YEATS2: variants seen among roughly 807,000 people sequenced by gnomAD.
The protein encoded by YEATS2 is YEATS domain-containing protein 2.
Under a neutral mutation model 163.2 loss-of-function variants are expected in YEATS2, and 77 were observed. The observed-to-expected ratio is 0.47, with a 90% confidence interval of 0.39 to 0.57. The LOEUF is 0.57. Among genes scored for constraint, YEATS2 ranks in the 20% least tolerant of loss-of-function variants. The probability of loss-of-function intolerance (pLI) is 0.00; values close to 1 mark genes in which losing one functional copy is unlikely to be tolerated. For missense variants in YEATS2, 1,549 were observed against 1,729.8 expected, an observed-to-expected ratio of 0.90 and a Z score of 1.85; for synonymous variants, 631 against 645.1, an observed-to-expected ratio of 0.98 and a Z score of 0.33.
At chr3:183,700,096 T>C (rs994933374) in intron 1 of YEATS2, among the ~76,000 whole-genome samples, 3 of 152,228 alleles carry the variant, frequency 2.0e-5, no homozygotes, top group African/African-American at 7.2e-5. Flanking sequence ...TGTGAATTTC[T>C]TTTCCTGTTC....
intron 1 of YEATS2, among the ~76,000 whole-genome samples, chr3:183,713,654 C>T (rs1371817259): frequency 6.6e-6 from 1 of 152,206 alleles, no homozygotes; most frequent in Non-Finnish European, 1.5e-5. Flanking sequence ...CAGCACTGGT[C>T]TGGATGATAT....
intron 1 of YEATS2, among the ~76,000 whole-genome samples, chr3:183,707,426 G>C (rs147192305): frequency 6.6e-6 from 1 of 152,132 alleles, no homozygotes; most frequent in African/African-American, 2.4e-5. Context: ...CGATTTGTTC[G>C]TCCATTCCTC....
rs1041643623 is a variant in YEATS2 at position 183,715,106 on chromosome 3, G to A, written c.-19-38G>A. 4.5e-6 allele frequency: 6 copies of A among 1,339,074 alleles called. No homozygotes were observed. In the African/African-American group the frequency reaches 7.4e-5, roughly 17 times the overall value. The allele number at this position is 1,339,074 out of a possible 1,614,324, so 82.9% of individuals were successfully genotyped here. On this transcript the variant is annotated intron_variant, in intron 1 of 30. Transcript: ENST00000305135. ...GTTACTACAACCCAACTATTTAACTGAATAATTAAAAATTATTAATTTATC... is the reference window on the plus strand; with the variant it reads ...GTTACTACAACCCAACTATTTAACTAAATAATTAAAAATTATTAATTTATC...
At chr3:183,703,499 T>C (rs1039954400) in intron 1 of YEATS2, among the ~76,000 whole-genome samples, 2 of 152,188 alleles carry the variant, frequency 1.3e-5, no homozygotes, top group African/African-American at 2.4e-5. Flanking sequence ...ACCAACCTAA[T>C]AGATAACTTC....
In YEATS2 at chr3:183,811,481, C is replaced by T. The variant is rs1164333654; in HGVS notation, c.*898C>T. ...GCTCTTCTGGGGTCGTCTGTCCTAT[C>T]CGTGGATTGTATATACTCTTCTCTG... On this transcript the variant is annotated 3_prime_UTR_variant, in exon 31 of 31. Transcript: ENST00000305135. 2.0e-5 allele frequency: 3 copies of T among 152,672 alleles called. No homozygotes were observed. Among genetic ancestry groups the T allele is most frequent in the African/African-American group, 7.2e-5 (3 of 41,444 alleles). 9.5% of individuals were successfully genotyped at this position (152,672 alleles called of 1,614,324 possible).
At chr3:183,718,373 T>C (rs1716126948) in intron 3 of YEATS2, 127 bp from the exon 4 acceptor site, 1 of 680,976 alleles carries the variant, frequency 1.5e-6, no homozygotes, top group Non-Finnish European at 2.4e-6. Flanking sequence ...TATTTGTTTT[T>C]CTTTTGATTG....
At chr3:183,755,920 A>G (rs1021235428) in intron 11 of YEATS2, among the ~76,000 whole-genome samples, 2 of 150,906 alleles carry the variant, frequency 1.3e-5, no homozygotes, top group African/African-American at 4.9e-5. Flanking sequence ...CTAATTTTGT[A>G]TTTTTAGTAG....
chr3:183,719,700 A>G (rs749297823), intron 4 of YEATS2, among the ~76,000 whole-genome samples: 1 of 151,730 alleles, frequency 6.6e-6, no homozygotes. Flanking sequence ...GAGACATGGT[A>G]TGTGGCCAGG....
chr3:183,803,089 C>T (rs910289746), intron 25 of YEATS2, 167 bp from the exon 26 acceptor site: 3 of 676,414 alleles, frequency 4.4e-6, no homozygotes, highest in South Asian at 1.9e-5. Context: ...GACACCTTCT[C>T]TTCTGAGGAG....
At position 183,803,352 on chromosome 3, in the gene YEATS2, T is replaced by C. The variant is rs1725875555; in HGVS notation, c.3582+17T>C. On this transcript the variant is annotated intron_variant, in intron 26 of 30. Coordinates refer to ENST00000305135, the MANE Select transcript of YEATS2 (RefSeq NM_018023.5). The stretch of plus-strand genomic sequence containing the variant: ...GCCGCTGAGGTAACCCACATCTGCC[T>C]GTCCACTCTGGCTGCCTCCAGAAAC... The C allele has an allele frequency of 5.6e-6, 9 of 1,604,016 alleles. No homozygotes were observed. The highest frequency in any genetic ancestry group is 1.7e-5 in the Admixed American group (1 of 58,754).
intron 6 of YEATS2, among the ~76,000 whole-genome samples, chr3:183,726,865 G>A (rs188059437): frequency 6.6e-6 from 1 of 152,216 alleles, no homozygotes; most frequent in Non-Finnish European, 1.5e-5. Flanking sequence ...GCAATGGCGC[G>A]ATCTCAGCTC....
intron 21 of YEATS2, among the ~76,000 whole-genome samples, chr3:183,795,101 G>A (rs1360676209): frequency 2.0e-5 from 3 of 150,562 alleles, no homozygotes; most frequent in Non-Finnish European, 4.4e-5. Context: ...CTGGGAGGTC[G>A]AGGTTGCAGT....
chr3:183,722,393 A>G (rs551226301), intron 5 of YEATS2, among the ~76,000 whole-genome samples: 2 of 144,220 alleles, frequency 1.4e-5, no homozygotes, highest in East Asian at 4.0e-4. Context: ...GGTTCACGCC[A>G]TTCTCCTGCT....
At chr3:183,793,233 C>T in intron 21 of YEATS2, 2 of 1,226,680 alleles carry the variant, frequency 1.6e-6, no homozygotes, top group Admixed American at 2.8e-5. Flanking sequence ...GGATAAGAGG[C>T]TGTGGATGTT....
At chr3:183,776,223 A>G in intron 18 of YEATS2, 100 bp downstream of exon 18, 5 of 1,180,974 alleles carry the variant, frequency 4.2e-6, no homozygotes, top group Non-Finnish European at 5.8e-6. Context: ...TCAGGGTTCA[A>G]TACTAACACC....
intron 1 of YEATS2, among the ~76,000 whole-genome samples, chr3:183,698,290 A>G (rs1713694318): frequency 1.3e-5 from 2 of 152,130 alleles, no homozygotes; most frequent in Non-Finnish European, 2.9e-5. Flanking sequence ...CGGAGCTTTT[A>G]GGATGTTAAG....
chr3:183,755,769 T>G (rs575612476), intron 11 of YEATS2, among the ~76,000 whole-genome samples: 1 of 103,848 alleles, frequency 9.6e-6, no homozygotes, highest in East Asian at 3.9e-4. Context: ...TTTTTTTTTT[T>G]TGAGACAGAG....
intron 15 of YEATS2, among the ~76,000 whole-genome samples, chr3:183,762,849 C>T (rs1257562650): frequency 6.6e-6 from 1 of 151,866 alleles, no homozygotes; most frequent in Non-Finnish European, 1.5e-5. Flanking sequence ...GGCAGGAGTT[C>T]GAGACCAGCC....
At chr3:183,710,941 T>A (rs1375704996) in intron 1 of YEATS2, among the ~76,000 whole-genome samples, 1 of 152,208 alleles carries the variant, frequency 6.6e-6, no homozygotes, top group Non-Finnish European at 1.5e-5. Flanking sequence ...GAGGAAGTAG[T>A]ATGGTACAAG....
Sources: allele counts gnomAD v4.1 joint callset (sites outside exome capture counted in the v4.1 genomes callset), GRCh38; gene constraint gnomAD v4.1.1; transcripts MANE v1.5; gene names NCBI Gene and HGNC (gene_info 2026-07-23, HGNC 2026-07-21).